ELMOD1: variants seen among roughly 807,000 people sequenced by gnomAD.
The protein encoded by ELMOD1 is ELMO domain containing 1, also known as ELMO domain-containing protein 1.
ELMOD1 carries 21 observed loss-of-function variants against 46.7 expected under a neutral mutation model. The ratio of observed to expected loss-of-function variants is 0.45; its 90% CI spans 0.32 to 0.65. The LOEUF is 0.65. ELMOD1 is among the 30% of genes least tolerant of loss of function. The pLI is 0.04. For synonymous variants in ELMOD1, 122 were observed against 138.2 expected, an observed-to-expected ratio of 0.88 and a Z score of 0.82; for missense variants, 348 against 407.8, an observed-to-expected ratio of 0.85 and a Z score of 1.26.
rs1565395726 is a variant in ELMOD1 at position 107,665,970 on chromosome 11, TAAATAAATAAATAAATAAA to T, written c.*774_*792del. On this transcript the variant is annotated 3_prime_UTR_variant, in exon 12 of 12. Coordinates refer to ENST00000265840, the MANE Select transcript of ELMOD1 (RefSeq NM_018712.4). ...AGCAAGACTCCATCTCAAAAATAAA[TAAATAAATAAATAAATAAA>T]TAAATAAATAAATAAATAAATAAAT... 11 of 116,284 alleles carry T rather than the reference TAAATAAATAAATAAATAAA, an allele frequency of 9.5e-5. No individual in the cohort carries two copies. Among genetic ancestry groups the T allele is most frequent in the Middle Eastern group, 3.6e-3 (1 of 278 alleles). The allele number at this position is 116,284 out of a possible 1,614,324, so 7.2% of individuals were successfully genotyped here.
chr11:107,630,033 AAG>A (rs1277569036), intron 2 of ELMOD1, among the ~76,000 whole-genome samples: 1 of 152,168 alleles, frequency 6.6e-6, no homozygotes, highest in Non-Finnish European at 1.5e-5. Context: ...ATGGAGGCAA[AAG>A]AGGAGAGCAT....
At chr11:107,612,130 T>G (rs1284611485) in intron 1 of ELMOD1, among the ~76,000 whole-genome samples, 1 of 152,082 alleles carries the variant, frequency 6.6e-6, no homozygotes, top group Non-Finnish European at 1.5e-5. Context: ...CCATTAACAG[T>G]GAACTGGATA....
chr11:107,629,287 T>G (rs1866096953), intron 2 of ELMOD1, among the ~76,000 whole-genome samples: 1 of 152,236 alleles, frequency 6.6e-6, no homozygotes, highest in East Asian at 1.9e-4. Context: ...AGTTAACTAC[T>G]CCAGTATATC....
chr11:107,623,428 CTGTT>C, intron 2 of ELMOD1: 1 of 152,392 alleles, frequency 6.6e-6, no homozygotes, highest in East Asian at 1.9e-4. Context: ...GGCCACTTCA[CTGTT>C]TGTTAAGCTC....
chr11:107,625,635 C>G, intron 2 of ELMOD1: 2 of 891,286 alleles, frequency 2.2e-6, no homozygotes, highest in South Asian at 5.2e-5. Context: ...TCTAACAAAG[C>G]GCCACAAGAC....
At chr11:107,661,483 G>A (rs962786411) in intron 11 of ELMOD1, among the ~76,000 whole-genome samples, 4 of 152,178 alleles carry the variant, frequency 2.6e-5, no homozygotes, top group Admixed American at 2.0e-4. Flanking sequence ...TGTCACTCAT[G>A]AAATACTAAT....
intron 1 of ELMOD1, among the ~76,000 whole-genome samples, chr11:107,599,740 C>CAAAAAAAAA (rs56992146): frequency 0.065 from 5,842 of 90,358 alleles, 299 homozygotes; most frequent in South Asian, 0.11. Flanking sequence ...AGACCTGTCT[C>CAAAAAAAAA]AAAAAAAAAA....
intron 2 of ELMOD1, among the ~76,000 whole-genome samples, chr11:107,623,028 G>T (rs1316914283): frequency 6.6e-6 from 1 of 151,932 alleles, no homozygotes; most frequent in East Asian, 1.9e-4. Flanking sequence ...ACAACGTGCA[G>T]GTTTGTTACA....
intron 11 of ELMOD1, among the ~76,000 whole-genome samples, chr11:107,663,646 G>A (rs879492544): frequency 1.3e-5 from 2 of 152,124 alleles, no homozygotes; most frequent in African/African-American, 2.4e-5. Flanking sequence ...ACCAGCAGCC[G>A]GCCATGTGTG....
intron 6 of ELMOD1, among the ~76,000 whole-genome samples, chr11:107,639,739 T>G (rs1265844426): frequency 6.6e-6 from 1 of 152,204 alleles, no homozygotes; most frequent in Non-Finnish European, 1.5e-5. Flanking sequence ...CACATCTGTT[T>G]CTTGTCTTCT....
intron 6 of ELMOD1, among the ~76,000 whole-genome samples, chr11:107,644,568 G>A (rs1289516107): frequency 6.6e-6 from 1 of 151,806 alleles, no homozygotes; most frequent in East Asian, 2.0e-4. Context: ...TCCGCCTCCC[G>A]GGTTCACGCC....
chr11:107,647,454 T>C lies in ELMOD1; in HGVS notation c.421-14T>C. On this transcript the variant is annotated splice_polypyrimidine_tract_variant and intron_variant, in intron 6 of 11. Transcript: ENST00000265840. ...GGTGTATCAACAGAGTAATCCTTTT[T>C]TTTTTTCCTACAGTTATGGAAATTC... 1 of 1,605,730 alleles carries C rather than the reference T, an allele frequency of 6.2e-7. No individual in the cohort carries two copies. The highest frequency in any genetic ancestry group is 8.5e-7 in the Non-Finnish European group (1 of 1,177,640).
intron 2 of ELMOD1, among the ~76,000 whole-genome samples, chr11:107,627,179 G>C (rs1000499290): frequency 5.3e-5 from 8 of 152,152 alleles, no homozygotes; most frequent in African/African-American, 1.9e-4. Flanking sequence ...AAATATTTGT[G>C]GGCATGTTGG....
At chr11:107,597,663 T>C (rs1330886589) in intron 1 of ELMOD1, among the ~76,000 whole-genome samples, 3 of 151,968 alleles carry the variant, frequency 2.0e-5, no homozygotes, top group African/African-American at 7.3e-5. Flanking sequence ...ATATATGTGA[T>C]AGATAACTAT....
intron 2 of ELMOD1, among the ~76,000 whole-genome samples, chr11:107,618,678 C>T (rs924792066): frequency 3.9e-5 from 6 of 152,094 alleles, no homozygotes; most frequent in South Asian, 2.1e-4. Flanking sequence ...TCTAAGCTTC[C>T]GCTCTTCTTA....
Position 107,650,397 on chromosome 11 carries a change from A to G in ELMOD1, c.617A>G (p.Lys206Arg), listed in dbSNP as rs1207082886. The G allele has an allele frequency of 3.8e-6, 6 of 1,584,198 alleles. No individual in the cohort carries two copies. In the African/African-American group the frequency reaches 6.7e-5, roughly 18 times the overall value. ...GTCCTGTCTGACTCTCTTCATCCGA[A>G]ATGCAGGTAATTGTTGAAAGTAAAA... ...QQVLSDSLHP[K>R]CRDITKEEIS... Residue 206 changes from lysine to arginine, a missense_variant, in exon 8 of 12, where the codon AAA (lysine) becomes AGA (arginine). Coordinates refer to ENST00000265840, the MANE Select transcript of ELMOD1 (RefSeq NM_018712.4).
chr11:107,610,404 A>G (rs1403879543), intron 1 of ELMOD1, among the ~76,000 whole-genome samples: 4 of 152,078 alleles, frequency 2.6e-5, no homozygotes, highest in Non-Finnish European at 4.4e-5. Context: ...CCTGGTGGTA[A>G]AGTGATCACA....
chr11:107,641,366 A>C (rs1014206703), intron 6 of ELMOD1, among the ~76,000 whole-genome samples: 1 of 152,136 alleles, frequency 6.6e-6, no homozygotes, highest in African/African-American at 2.4e-5. Context: ...TAGTTTAATA[A>C]CTTGTTTTCT....
chr11:107,643,628 A>T (rs1027919384), intron 6 of ELMOD1: 1 of 532,008 alleles, frequency 1.9e-6, no homozygotes, highest in African/African-American at 1.9e-5. Context: ...TTCAGTCTGA[A>T]GTTTGACAGC....
Sources: allele counts gnomAD v4.1 joint callset (sites outside exome capture counted in the v4.1 genomes callset), GRCh38; gene constraint gnomAD v4.1.1; transcripts MANE v1.5; gene names NCBI Gene and HGNC (gene_info 2026-07-23, HGNC 2026-07-21).